DNER: variants seen among roughly 807,000 people sequenced by gnomAD.
The protein encoded by DNER is delta/notch like EGF repeat containing, also known as delta and Notch-like epidermal growth factor-related receptor.
A neutral mutation model predicts 78.2 loss-of-function variants in DNER; 33 were observed. That is an observed-to-expected ratio of 0.42 (90% CI 0.32 to 0.56). The LOEUF (loss-of-function observed/expected upper bound fraction) is 0.56. Ranked by LOEUF, DNER falls within the 20% of genes least tolerant of loss-of-function variation. The pLI is 0.11. For synonymous variants in DNER, 417 were observed against 384.8 expected (o/e 1.08, Z -0.98); for missense variants, 918 against 975.3 (o/e 0.94, Z 0.78).
chr2:229,687,240 C>T (rs1477205043), intron 1 of DNER, among the ~76,000 whole-genome samples: 1 of 149,224 alleles, frequency 6.7e-6, no homozygotes, highest in African/African-American at 2.5e-5. Flanking sequence ...ATGAATATCT[C>T]TGTTTATACA....
At chr2:229,522,750 A>G (rs897070623) in intron 5 of DNER, among the ~76,000 whole-genome samples, 4 of 152,230 alleles carry the variant, frequency 2.6e-5, no homozygotes, top group Non-Finnish European at 5.9e-5. Context: ...AAATCAGTGA[A>G]GCAGTGGTGA....
intron 11 of DNER, among the ~76,000 whole-genome samples, chr2:229,385,476 A>G (rs1692842814): frequency 6.6e-6 from 1 of 152,214 alleles, no homozygotes; most frequent in Non-Finnish European, 1.5e-5. Context: ...GGCCAGGTCA[A>G]TCAGGCAAGG....
chr2:229,612,545 G>C (rs1031505858), intron 1 of DNER, among the ~76,000 whole-genome samples: 1 of 152,230 alleles, frequency 6.6e-6, no homozygotes, highest in Non-Finnish European at 1.5e-5. Context: ...CGTGAGAGCT[G>C]TCCACAAAGA....
chr2:229,579,776 C>CT (rs60345395), intron 4 of DNER, among the ~76,000 whole-genome samples: 6,788 of 144,572 alleles, frequency 0.047, 327 homozygotes, highest in African/African-American at 0.13. Context: ...TTGAGAATTC[C>CT]TTTTTTTTTT....
chr2:229,484,136 A>G (rs1212908489), intron 6 of DNER, among the ~76,000 whole-genome samples: 1 of 152,220 alleles, frequency 6.6e-6, no homozygotes, highest in Non-Finnish European at 1.5e-5. Context: ...CCACTTGCTT[A>G]AAGTTTTTGT....
intron 7 of DNER, among the ~76,000 whole-genome samples, chr2:229,459,059 T>C (rs763209160): frequency 6.6e-6 from 1 of 152,014 alleles, no homozygotes; most frequent in East Asian, 1.9e-4. Flanking sequence ...TAACAAAAGA[T>C]ATGCAAGATG....
At chr2:229,395,356 C>A (rs931636678) in intron 10 of DNER, among the ~76,000 whole-genome samples, 5 of 152,290 alleles carry the variant, frequency 3.3e-5, no homozygotes, top group African/African-American at 1.2e-4. Flanking sequence ...GGATAAAACA[C>A]CCTTTGGGGG....
At chr2:229,429,893 TG>T (rs1693969426) in intron 8 of DNER, among the ~76,000 whole-genome samples, 1 of 152,216 alleles carries the variant, frequency 6.6e-6, no homozygotes, top group Non-Finnish European at 1.5e-5. Flanking sequence ...GTTTCCTGCT[TG>T]GCAGTAAAAC....
chr2:229,559,981 C>A (rs1209620665), intron 4 of DNER, among the ~76,000 whole-genome samples: 1 of 152,202 alleles, frequency 6.6e-6, no homozygotes, highest in Admixed American at 6.5e-5. Flanking sequence ...AAAACCAAGA[C>A]TTTGCCAAGC....
At chr2:229,612,181 T>C (rs968517267) in intron 1 of DNER, among the ~76,000 whole-genome samples, 3 of 152,164 alleles carry the variant, frequency 2.0e-5, no homozygotes. Context: ...GGATAGTACT[T>C]TCTTTGAGGG....
At chr2:229,514,760 A>ATGTTT (rs1164771090) in intron 5 of DNER, among the ~76,000 whole-genome samples, 1 of 152,222 alleles carries the variant, frequency 6.6e-6, no homozygotes, top group African/African-American at 2.4e-5. Context: ...TTTACACTGC[A>ATGTTT]TAGGAGGATG....
intron 1 of DNER, among the ~76,000 whole-genome samples, chr2:229,633,225 C>T (rs1327814797): frequency 9.2e-5 from 14 of 152,148 alleles, no homozygotes; most frequent in Non-Finnish European, 1.0e-4. Flanking sequence ...GGTACAATGA[C>T]CACGTGGAGT....
intron 6 of DNER, among the ~76,000 whole-genome samples, chr2:229,508,885 AGAAAAGAAAAGAAAAGAAAAG>A (rs1480369677): frequency 5.6e-5 from 4 of 71,904 alleles, no homozygotes; most frequent in South Asian, 3.6e-4. Context: ...CATCTCAAAA[AGAAAAGAAAAGAAAAGAAAAG>A]AAAAGAAAAG....
chr2:229,459,485 A>G (rs1448012462), intron 7 of DNER, among the ~76,000 whole-genome samples: 1 of 152,092 alleles, frequency 6.6e-6, no homozygotes, highest in Non-Finnish European at 1.5e-5. Flanking sequence ...ATGCCGAGCA[A>G]TTGGTATCTA....
At chr2:229,564,472 C>T in intron 4 of DNER, among the ~76,000 whole-genome samples, 1 of 143,078 alleles carries the variant, frequency 7.0e-6, no homozygotes, top group Non-Finnish European at 1.5e-5. Context: ...CCTCCTCACC[C>T]CATCGCCATC....
At chr2:229,462,854 C>A (rs1284475273) in intron 7 of DNER, among the ~76,000 whole-genome samples, 1 of 152,040 alleles carries the variant, frequency 6.6e-6, no homozygotes, top group African/African-American at 2.4e-5. Context: ...AAATAACAAG[C>A]CATTCCTCAC....
At chr2:229,364,844 CTTTT>C (rs34346714) in intron 12 of DNER, among the ~76,000 whole-genome samples, 4 of 75,478 alleles carry the variant, frequency 5.3e-5, no homozygotes, top group Non-Finnish European at 9.7e-5. Flanking sequence ...CTCTCTCTCT[CTTTT>C]TTTTTTTTTT....
chr2:229,713,933 G>T (rs1699949393), intron 1 of DNER, among the ~76,000 whole-genome samples: 1 of 152,152 alleles, frequency 6.6e-6, no homozygotes, highest in South Asian at 2.1e-4. Context: ...CCGAGAGCCC[G>T]GCTGGCCCCG....
intron 2 of DNER, 28 bp from the exon 3 acceptor site, chr2:229,588,516 T>C (rs772770431): frequency 7.0e-6 from 11 of 1,576,094 alleles, no homozygotes; most frequent in Middle Eastern, 1.7e-4. Context: ...AAACGACATA[T>C]GATTGGGGTT....
Sources: allele counts gnomAD v4.1 joint callset (sites outside exome capture counted in the v4.1 genomes callset), GRCh38; gene constraint gnomAD v4.1.1; transcripts MANE v1.5; gene names NCBI Gene and HGNC (gene_info 2026-07-23, HGNC 2026-07-21).